The following MAF variants were observed in gnomAD, a reference collection of about 807,000 sequenced individuals.
MAF encodes the protein transcription factor Maf.
MAF carries 10 observed loss-of-function variants against 22.0 expected under a neutral mutation model. That is an observed-to-expected ratio of 0.45 (90% confidence interval 0.28 to 0.77). MAF has a LOEUF of 0.77. MAF is among the 30% of genes least tolerant of loss of function. The probability of loss-of-function intolerance (pLI) is 0.12; values close to 1 mark genes in which losing one functional copy is unlikely to be tolerated. For synonymous variants in MAF, 337 were observed against 255.8 expected, an observed-to-expected ratio of 1.32 and a Z score of -3.03; for missense variants, 544 against 548.4, an observed-to-expected ratio of 0.99 and a Z score of 0.08.
chr16:79,218,491 T>C, the MAF span, among the ~76,000 whole-genome samples: 1 of 152,220 alleles, frequency 6.6e-6, no homozygotes, highest in Non-Finnish European at 1.5e-5. Flanking sequence ...CAACAGCTCC[T>C]ACTGGCCTTT....
the MAF span, among the ~76,000 whole-genome samples, chr16:79,225,380 T>G: frequency 2.2e-3 from 330 of 152,252 alleles, 1 homozygote; most frequent in African/African-American, 7.5e-3. Context: ...ATTAAAGACC[T>G]AAACATAAGA....
chr16:79,413,692 A>G, the MAF span, among the ~76,000 whole-genome samples: 1 of 152,192 alleles, frequency 6.6e-6, no homozygotes. Context: ...GATAATCTCC[A>G]TTGTGGGATC....
the MAF span, among the ~76,000 whole-genome samples, chr16:79,242,253 T>A: frequency 7.8e-3 from 1,177 of 150,410 alleles, 20 homozygotes; most frequent in Non-Finnish European, 0.013. Context: ...GCAAATTGGA[T>A]AAAGAGTCAA....
the MAF span, among the ~76,000 whole-genome samples, chr16:79,494,105 C>G: frequency 6.6e-6 from 1 of 152,152 alleles, no homozygotes; most frequent in Admixed American, 6.5e-5. Context: ...CTGTTGAACA[C>G]AGTTGTATTG....
chr16:79,298,051 T>A, the MAF span, among the ~76,000 whole-genome samples: 2 of 152,228 alleles, frequency 1.3e-5, no homozygotes, highest in Admixed American at 6.5e-5. Flanking sequence ...GGCTACTTGT[T>A]TGAAATTATT....
At chr16:79,230,696 G>C in the MAF span, among the ~76,000 whole-genome samples, 1 of 152,074 alleles carries the variant, frequency 6.6e-6, no homozygotes, top group Non-Finnish European at 1.5e-5. Context: ...TGATGCATAG[G>C]CTTGCTACCA....
At chr16:79,260,429 G>C in the MAF span, among the ~76,000 whole-genome samples, 2 of 149,100 alleles carry the variant, frequency 1.3e-5, no homozygotes, top group Admixed American at 1.3e-4. Context: ...TGGAATCACA[G>C]ATGTGAGCCA....
the MAF span, among the ~76,000 whole-genome samples, chr16:79,351,301 A>G: frequency 6.6e-6 from 1 of 152,310 alleles, no homozygotes; most frequent in East Asian, 1.9e-4. Context: ...AACAAGGAGT[A>G]GAGGTAGCTC....
the MAF span, among the ~76,000 whole-genome samples, chr16:79,338,389 T>C: frequency 1.3e-5 from 2 of 152,200 alleles, no homozygotes; most frequent in Admixed American, 6.5e-5. Flanking sequence ...GGAGTGACAG[T>C]ATCAGATTTG....
chr16:79,526,395 G>C, the MAF span, among the ~76,000 whole-genome samples: 1 of 152,224 alleles, frequency 6.6e-6, no homozygotes, highest in Admixed American at 6.5e-5. Flanking sequence ...GGGAGGCAGA[G>C]CTCTGGCGGT....
the MAF span, among the ~76,000 whole-genome samples, chr16:79,306,487 A>G: frequency 9.2e-5 from 14 of 152,188 alleles, no homozygotes; most frequent in Admixed American, 8.5e-4. Context: ...GCCTCCTGGT[A>G]GAGAGGAAGA....
the MAF span, among the ~76,000 whole-genome samples, chr16:79,257,707 A>G: frequency 6.6e-6 from 1 of 152,198 alleles, no homozygotes; most frequent in Non-Finnish European, 1.5e-5. Flanking sequence ...CTGTACATGT[A>G]ATTTGTGTGC....
At chr16:79,549,976 A>G in the MAF span, among the ~76,000 whole-genome samples, 1 of 152,204 alleles carries the variant, frequency 6.6e-6, no homozygotes, top group Admixed American at 6.5e-5. Context: ...AAGACAATCT[A>G]TCTAGCCTTG....
chr16:79,211,701 C>A, the MAF span: 1 of 1,614,244 alleles, frequency 6.2e-7, no homozygotes, highest in Non-Finnish European at 8.5e-7. Context: ...CCGCTGCATG[C>A]CCTCACCAGA....
the MAF span, among the ~76,000 whole-genome samples, chr16:79,327,772 A>C: frequency 6.6e-6 from 1 of 152,210 alleles, no homozygotes; most frequent in Non-Finnish European, 1.5e-5. Flanking sequence ...CAAGTCCCTG[A>C]GGAAGATACT....
At chr16:79,229,699 G>A in the MAF span, among the ~76,000 whole-genome samples, 1 of 152,054 alleles carries the variant, frequency 6.6e-6, no homozygotes, top group South Asian at 2.1e-4. Flanking sequence ...CTGGCTCCTC[G>A]TTGAGCTATC....
chr16:79,444,277 A>C, the MAF span, among the ~76,000 whole-genome samples: 34 of 152,342 alleles, frequency 2.2e-4, no homozygotes, highest in East Asian at 6.0e-3. Context: ...TTTGCCTAGG[A>C]GTATGGACAA....
At chr16:79,461,820 C>G in the MAF span, among the ~76,000 whole-genome samples, 4 of 152,104 alleles carry the variant, frequency 2.6e-5, no homozygotes, top group Non-Finnish European at 5.9e-5. Context: ...TCCTCCTATG[C>G]CAGTTTTCCA....
At chr16:79,334,766 T>C in the MAF span, among the ~76,000 whole-genome samples, 1 of 152,102 alleles carries the variant, frequency 6.6e-6, no homozygotes, top group Non-Finnish European at 1.5e-5. Flanking sequence ...TAAAGTAATG[T>C]GTCCCAGGCA....
Sources: gnomAD v4.1 joint callset for allele counts (sites outside exome capture counted in the v4.1 genomes callset) on GRCh38, gnomAD v4.1.1 for gene constraint, MANE v1.5 for transcripts, NCBI Gene and HGNC (gene_info 2026-07-23, HGNC 2026-07-21) for gene names.